The following GRIK2 variants were observed in gnomAD, a reference collection of about 807,000 sequenced individuals.
GRIK2 encodes the protein glutamate receptor ionotropic, kainate 2.
In GRIK2, 32 loss-of-function variants were observed where a neutral mutation model predicts 100.3. The ratio of observed to expected loss-of-function variants is 0.32; its 90% CI spans 0.24 to 0.43. GRIK2 has a LOEUF of 0.43. GRIK2 is among the 20% of genes least tolerant of loss of function. The probability of loss-of-function intolerance (pLI) is 1.00; values close to 1 mark genes in which losing one functional copy is unlikely to be tolerated. For missense variants in GRIK2, 843 were observed against 1,114.9 expected, an observed-to-expected ratio of 0.76 and a Z score of 3.47; for synonymous variants, 417 against 389.4, an observed-to-expected ratio of 1.07 and a Z score of -0.83.
At chr6:101,820,602 C>A (rs182648009) in intron 10 of GRIK2, among the ~76,000 whole-genome samples, 17 of 152,210 alleles carry the variant, frequency 1.1e-4, no homozygotes, top group African/African-American at 3.6e-4. Flanking sequence ...CGCTACCACT[C>A]CTAGCTAATT....
At chr6:102,054,639 GA>G (rs917518335) in intron 15 of GRIK2, among the ~76,000 whole-genome samples, 12 of 151,750 alleles carry the variant, frequency 7.9e-5, no homozygotes, top group African/African-American at 2.7e-4. Context: ...GCCTCCACTG[GA>G]AAAAAACAAA....
At chr6:101,916,869 T>A (rs990750729) in intron 12 of GRIK2, among the ~76,000 whole-genome samples, 1 of 151,700 alleles carries the variant, frequency 6.6e-6, no homozygotes, top group African/African-American at 2.4e-5. Context: ...ATCTCTGTAA[T>A]GCCTCACCTT....
chr6:101,760,700 A>G lies in GRIK2; in HGVS notation c.952-38948A>G, dbSNP rs1320078972. Among the ~76,000 whole-genome samples, 5 of 114,788 alleles carry G rather than the reference A, an allele frequency of 4.4e-5. No individual in the cohort carries two copies. The South Asian group carries it at 1.3e-3, about 29-fold the overall frequency. 75.3% of individuals were successfully genotyped at this position (114,788 alleles called of 152,430 possible). A position where few individuals can be genotyped will look rare whatever the true frequency, so the allele number is the denominator to read the frequency against. On this transcript the variant is annotated intron_variant, in intron 7 of 16. Transcript: ENST00000369134. ...TATATTTAATTATATATAATTATAT[A>G]TAATTATATATTTAATTATATTTAA...
At chr6:101,818,771 A>T (rs1406181219) in intron 10 of GRIK2, among the ~76,000 whole-genome samples, 1 of 152,174 alleles carries the variant, frequency 6.6e-6, no homozygotes, top group Non-Finnish European at 1.5e-5. Context: ...GGAATTGTCA[A>T]TGTCAAGACT....
intron 14 of GRIK2, among the ~76,000 whole-genome samples, chr6:102,009,272 T>A (rs1795400076): frequency 1.3e-5 from 2 of 152,122 alleles, no homozygotes; most frequent in South Asian, 4.1e-4. Context: ...GGTGCCTTAC[T>A]TTATTATTAT....
chr6:101,708,631 C>A (rs1326485267), intron 7 of GRIK2, among the ~76,000 whole-genome samples: 1 of 151,576 alleles, frequency 6.6e-6, no homozygotes, highest in Non-Finnish European at 1.5e-5. Flanking sequence ...ACTTAATAAA[C>A]AATTTTAAGA....
At chr6:101,562,764 T>C (rs1777082798) in intron 2 of GRIK2, among the ~76,000 whole-genome samples, 1 of 152,154 alleles carries the variant, frequency 6.6e-6, no homozygotes, top group African/African-American at 2.4e-5. Flanking sequence ...AAACATCAAG[T>C]TGAGTGCCAT....
At chr6:101,655,072 T>A (rs1278879191) in intron 4 of GRIK2, among the ~76,000 whole-genome samples, 1 of 152,178 alleles carries the variant, frequency 6.6e-6, no homozygotes, top group African/African-American at 2.4e-5. Flanking sequence ...GGTTCCCAAA[T>A]GACTAATAAA....
rs112594926 is a variant in GRIK2 at position 101,709,953 on chromosome 6, C to T, written c.951+23600C>T. Among the ~76,000 whole-genome samples the T allele has an allele frequency of 1.7e-3, 263 of 151,854 alleles. 2 individuals carry two copies. Among genetic ancestry groups the T allele is most frequent in the African/African-American group, 5.7e-3 (235 of 41,480 alleles). On this transcript the variant is annotated intron_variant, in intron 7 of 16. Coordinates refer to ENST00000369134, the MANE Select transcript of GRIK2 (RefSeq NM_021956.5). ...AGGGGTTTGCCGTGCTGCTGAAATA[C>T]GCAGTTGGTCTAGATGGAAAATAGC...
At chr6:101,539,015 GA>G (rs537867253) in intron 2 of GRIK2, among the ~76,000 whole-genome samples, 138 of 148,140 alleles carry the variant, frequency 9.3e-4, no homozygotes, top group Non-Finnish European at 1.5e-3. Context: ...CTGGCATGTT[GA>G]AAAAAAAAGA....
intron 4 of GRIK2, among the ~76,000 whole-genome samples, chr6:101,671,339 A>G (rs1025863472): frequency 4.6e-5 from 7 of 152,038 alleles, no homozygotes; most frequent in African/African-American, 1.7e-4. Flanking sequence ...ATAGTAAACT[A>G]CCTCTTCACA....
chr6:101,805,313 T>TAA (rs35711027), intron 9 of GRIK2, among the ~76,000 whole-genome samples: 9,479 of 141,960 alleles, frequency 0.067, 297 homozygotes, highest in Non-Finnish European at 0.07. Context: ...TTCATCACCT[T>TAA]AAAAAAAAAA....
rs569040041 is a variant in GRIK2 at position 101,840,906 on chromosome 6, G to A, written c.1318-18381G>A. Among the ~76,000 whole-genome samples, 35 of 152,202 alleles carry A rather than the reference G, an allele frequency of 2.3e-4. 1 individual carries two copies. The highest frequency in any genetic ancestry group is 1.7e-3 in the East Asian group (9 of 5,186). ...ATTAATAAAAGAAAGAAATGCTTTC[G>A]CCATATAGTTGTTTGAAAAACATTT... On this transcript the variant is annotated intron_variant, in intron 10 of 16. Coordinates refer to ENST00000369134, the MANE Select transcript of GRIK2 (RefSeq NM_021956.5).
intron 2 of GRIK2, among the ~76,000 whole-genome samples, chr6:101,488,402 T>C (rs1490236490): frequency 6.8e-6 from 1 of 146,778 alleles, no homozygotes; most frequent in East Asian, 1.9e-4. Flanking sequence ...TGTAGGAAAA[T>C]ATCTTTATCA....
chr6:101,418,413 G>T (rs1250737173), intron 2 of GRIK2, among the ~76,000 whole-genome samples: 2 of 152,092 alleles, frequency 1.3e-5, no homozygotes, highest in African/African-American at 4.8e-5. Flanking sequence ...TCGAGGGGTG[G>T]GGTGAAGATA....
chr6:101,591,053 A>C (rs1183668746), intron 2 of GRIK2, among the ~76,000 whole-genome samples: 1 of 152,004 alleles, frequency 6.6e-6, no homozygotes, highest in Non-Finnish European at 1.5e-5. Context: ...ATAATAGCGA[A>C]GGACTTTTAT....
chr6:101,657,328 C>T (rs1006410319), intron 4 of GRIK2, among the ~76,000 whole-genome samples: 11 of 152,058 alleles, frequency 7.2e-5, no homozygotes, highest in East Asian at 1.9e-4. Flanking sequence ...TCTGTCCTGC[C>T]GCCATGTAAG....
intron 14 of GRIK2, among the ~76,000 whole-genome samples, chr6:101,963,104 A>G (rs1017241512): frequency 6.6e-6 from 1 of 151,316 alleles, no homozygotes; most frequent in African/African-American, 2.4e-5. Flanking sequence ...TTATCTTTCT[A>G]ATGTCTCTTT....
chr6:101,405,140 T>C (rs1473382943), intron 2 of GRIK2, among the ~76,000 whole-genome samples: 6 of 152,164 alleles, frequency 3.9e-5, no homozygotes, highest in Non-Finnish European at 8.8e-5. Flanking sequence ...TTAACAAGTT[T>C]AATTGAAAGG....
Sources: gnomAD v4.1 joint callset for allele counts (sites outside exome capture counted in the v4.1 genomes callset) on GRCh38, gnomAD v4.1.1 for gene constraint, MANE v1.5 for transcripts, NCBI Gene and HGNC (gene_info 2026-07-23, HGNC 2026-07-21) for gene names.